Variants in IL12RB1 observed in about 807,000 individuals in gnomAD.
IL12RB1 encodes interleukin-12 receptor subunit beta-1.
Under a neutral mutation model 94.4 loss-of-function variants are expected in IL12RB1, and 64 were observed. That is an observed-to-expected ratio of 0.68 (90% CI 0.55 to 0.83). The LOEUF is 0.83. IL12RB1 is among the 40% of genes least tolerant of loss of function. The probability of loss-of-function intolerance (pLI) is 0.00; values close to 1 mark genes in which losing one functional copy is unlikely to be tolerated. For synonymous variants in IL12RB1, 362 were observed against 355.5 expected (o/e 1.02, Z -0.21); for missense variants, 814 against 855.6 (o/e 0.95, Z 0.61).
chr19:18,091,630 C>G (rs1226802862), upstream of IL12RB1: 1 of 152,148 alleles, frequency 6.6e-6, no homozygotes, highest in East Asian at 1.9e-4. Flanking sequence ...CATCACTCAT[C>G]AACAAGAACA....
Position 18,098,754 on chromosome 19 carries a change from C to A in IL12RB1, c.-230+1G>T, listed in dbSNP as rs2037259933. ...TAGGGAACCTGGGATTCAGCACTTACCCAACGAACATTTATGGAGCGCCTG... is the reference window on the plus strand; with the variant it reads ...TAGGGAACCTGGGATTCAGCACTTAACCAACGAACATTTATGGAGCGCCTG... On this transcript the variant is annotated splice_donor_variant, in intron 1 of 4. Coordinates refer to the IL12RB1 transcript ENST00000594176. LOFTEE classifies it low-confidence loss of function (5UTR_SPLICE). 2.2e-6 allele frequency: 1 copy of A among 456,586 alleles called. No individual in the cohort carries two copies. Among genetic ancestry groups the A allele is most frequent in the Admixed American group, 2.4e-5 (1 of 42,530 alleles). 28.3% of individuals were successfully genotyped at this position (456,586 alleles called of 1,614,324 possible).
At chr19:18,081,086 G>GA in intron 3 of IL12RB1, 85 bp from the exon 4 acceptor site, 1 of 1,245,158 alleles carries the variant, frequency 8.0e-7, no homozygotes, top group Non-Finnish European at 1.1e-6. Context: ...TCCCAGCATC[G>GA]TTTTTTTGGT....
chr19:18,063,946 G>A lies in IL12RB1; in HGVS notation c.1548C>T (p.Tyr516=), dbSNP rs1293884877. 10 of 1,613,056 alleles carry A rather than the reference G, an allele frequency of 6.2e-6. No individual in the cohort carries two copies. Among genetic ancestry groups the A allele is most frequent in the East Asian group, 2.2e-5 (1 of 44,864 alleles). Residue 516 remains tyrosine (Y), a synonymous_variant, in exon 13 of 17, where the codon TAC becomes TAT. Transcript: ENST00000593993. ...CTGTGTCTGCTCGCACCTGCACCGT[G>A]TAGGCTACACCAGCCCGCAGGCCAC... The part of the protein sequence containing the change: ...TLSGLRAGVA[Y]TVQVRADTAW...
At chr19:18,078,720 C>T (rs2035662135) in intron 4 of IL12RB1, among the ~76,000 whole-genome samples, 1 of 151,908 alleles carries the variant, frequency 6.6e-6, no homozygotes, top group African/African-American at 2.4e-5. Context: ...TCAGGGAAAT[C>T]GTACTTAGTT....
At position 18,077,516 on chromosome 19, in the gene IL12RB1, C is replaced by A; in HGVS notation, c.549G>T (p.Leu183Phe). 6.2e-7 allele frequency: 1 copy of A among 1,608,822 alleles called. No homozygotes were observed. The highest frequency in any genetic ancestry group is 8.5e-7 in the Non-Finnish European group (1 of 1,177,280). The stretch of plus-strand genomic sequence containing the variant: ...CCCTGGACTTGGGAAACAAACTCAC[C>A]AACTTCCATGGGCTGCTGGGTGTCC... ...RHRTPSSPWKLGDCGPQDDDT... is the reference protein window; with the variant it reads ...RHRTPSSPWKFGDCGPQDDDT... Residue 183 changes from leucine to phenylalanine, a missense_variant and splice_region_variant, in exon 5 of 17, where the codon TTG (leucine) becomes TTT (phenylalanine). Coordinates refer to ENST00000593993, the MANE Select transcript of IL12RB1 (RefSeq NM_005535.3).
rs1208644830 is a variant in IL12RB1, at chr19:18,059,290, G to A, written c.*318C>T. ...CAGACTCCCCATCCAGTGCTCCTGG[G>A]GGTGGATGCCCAGCCCAGGGTCCAG... On this transcript the variant is annotated 3_prime_UTR_variant, in exon 17 of 17. Coordinates refer to ENST00000593993, the MANE Select transcript of IL12RB1 (RefSeq NM_005535.3). 5.8e-5 allele frequency: 28 copies of A among 486,548 alleles called. No homozygotes were observed. The highest frequency in any genetic ancestry group is 7.2e-5 in the Non-Finnish European group (19 of 265,350). 30.1% of individuals were successfully genotyped at this position (486,548 alleles called of 1,614,324 possible). A position where few individuals can be genotyped will look rare whatever the true frequency, so the allele number is the denominator to read the frequency against.
chr19:18,076,484 C>A (rs949409328), intron 5 of IL12RB1, among the ~76,000 whole-genome samples, 157 bp from the exon 6 acceptor site: 1 of 152,068 alleles, frequency 6.6e-6, no homozygotes, highest in African/African-American at 2.4e-5. Context: ...CTTATTGAAG[C>A]CTCAACCTCC....
At chr19:18,083,527 C>T (rs1458902854) in intron 1 of IL12RB1, 36 bp from the exon 2 acceptor site, 2 of 1,606,432 alleles carry the variant, frequency 1.2e-6, no homozygotes, top group East Asian at 2.2e-5. Context: ...ACATTCCTGG[C>T]CTTGCACTGT....
intron 1 of IL12RB1, among the ~76,000 whole-genome samples, chr19:18,098,066 C>T (rs754397940): frequency 2.0e-5 from 3 of 152,062 alleles, no homozygotes; most frequent in Non-Finnish European, 4.4e-5. Flanking sequence ...CAAGCGATGG[C>T]GTGGGAGGAA....
intron 11 of IL12RB1, among the ~76,000 whole-genome samples, chr19:18,067,529 C>T (rs751562647): frequency 1.3e-5 from 2 of 152,032 alleles, no homozygotes; most frequent in Non-Finnish European, 2.9e-5. Flanking sequence ...GCTGGCCGGG[C>T]GCAGTGGCTC....
At chr19:18,087,799 G>T (rs934314894), upstream of IL12RB1, among the ~76,000 whole-genome samples, 1 of 152,108 alleles carries the variant, frequency 6.6e-6, no homozygotes, top group Non-Finnish European at 1.5e-5. Flanking sequence ...TGGGATCACA[G>T]GCGTGAGCCA....
At chr19:18,077,253 T>G (rs1031087966) in intron 5 of IL12RB1, among the ~76,000 whole-genome samples, 1 of 151,820 alleles carries the variant, frequency 6.6e-6, no homozygotes, top group Non-Finnish European at 1.5e-5. Context: ...TCCCAGCTAC[T>G]CGGGAGGCTG....
At chr19:18,073,863 T>C (rs2035256027) in intron 7 of IL12RB1, among the ~76,000 whole-genome samples, 1 of 152,226 alleles carries the variant, frequency 6.6e-6, no homozygotes, top group Non-Finnish European at 1.5e-5. Flanking sequence ...CTCACTCTAT[T>C]ACCTAGGCTG....
At chr19:18,088,793 G>A (rs891630211), upstream of IL12RB1, among the ~76,000 whole-genome samples, 3 of 152,006 alleles carry the variant, frequency 2.0e-5, no homozygotes, top group African/African-American at 4.8e-5. Flanking sequence ...ACTTTGGGAG[G>A]CCGAGGTGGG....
intron 7 of IL12RB1, among the ~76,000 whole-genome samples, chr19:18,074,399 G>T (rs976870356): frequency 6.6e-6 from 1 of 152,148 alleles, no homozygotes; most frequent in Admixed American, 6.6e-5. Flanking sequence ...CCACCTGCAG[G>T]TGACATTGTC....
chr19:18,090,082 C>A (rs1048698599), upstream of IL12RB1, among the ~76,000 whole-genome samples: 5 of 152,172 alleles, frequency 3.3e-5, no homozygotes, highest in Middle Eastern at 3.2e-3. Flanking sequence ...ATGGAGGAGG[C>A]CAGGCAGGGT....
chr19:18,066,409 T>A, intron 12 of IL12RB1, 133 bp downstream of exon 12: 1 of 591,520 alleles, frequency 1.7e-6, no homozygotes, highest in Non-Finnish European at 3.0e-6. Context: ...GCCCAGCCAA[T>A]TCTCTTGTTT....
chr19:18,080,686 T>C (rs2035832783), intron 4 of IL12RB1, 146 bp downstream of exon 4: 2 of 724,928 alleles, frequency 2.8e-6, no homozygotes, highest in Admixed American at 3.8e-5. Flanking sequence ...TTTGTCACAA[T>C]AGTGTTTGCG....
chr19:18,059,833 G>GC (rs1313340653), intron 16 of IL12RB1, 61 bp downstream of exon 16: 27 of 975,794 alleles, frequency 2.8e-5, no homozygotes, highest in Admixed American at 1.8e-4. Flanking sequence ...TGGATGTCTA[G>GC]CCCCCCCACC....
Sources: allele counts gnomAD v4.1 joint callset (sites outside exome capture counted in the v4.1 genomes callset), GRCh38; gene constraint gnomAD v4.1.1; transcripts MANE v1.5; gene names NCBI Gene and HGNC (gene_info 2026-07-23, HGNC 2026-07-21).